Variants in ACTR2 observed in about 807,000 individuals in gnomAD.
The protein encoded by ACTR2 is actin-related protein 2.
A neutral mutation model predicts 50.2 loss-of-function variants in ACTR2; 5 were observed. The ratio of observed to expected loss-of-function variants is 0.10; its 90% CI spans 0.05 to 0.21. The LOEUF is 0.21. Ranked by LOEUF, ACTR2 falls within the 10% of genes least tolerant of loss-of-function variation. ACTR2 has a pLI of 1.00. For synonymous variants in ACTR2, 140 were observed against 162.9 expected (o/e 0.86, Z 1.07); for missense variants, 180 against 480.6 (o/e 0.37, Z 5.85).
intron 1 of ACTR2, among the ~76,000 whole-genome samples, chr2:65,232,504 A>G (rs992676107): frequency 1.3e-5 from 2 of 152,228 alleles, no homozygotes; most frequent in Admixed American, 6.5e-5. Flanking sequence ...ATGCTTTGGT[A>G]TAAGTAGAAT....
At chr2:65,230,602 G>C (rs1368633048) in intron 1 of ACTR2, among the ~76,000 whole-genome samples, 1 of 151,382 alleles carries the variant, frequency 6.6e-6, no homozygotes, top group Non-Finnish European at 1.5e-5. Context: ...GTAGAGACTG[G>C]GTCTCCCTAT....
At chr2:65,230,713 C>T (rs1273390169) in intron 1 of ACTR2, among the ~76,000 whole-genome samples, 1 of 151,940 alleles carries the variant, frequency 6.6e-6, no homozygotes, top group African/African-American at 2.4e-5. Flanking sequence ...ACCCTGCTGT[C>T]AGAAGCTAAT....
intron 2 of ACTR2, among the ~76,000 whole-genome samples, chr2:65,241,219 A>C (rs1157365865): frequency 2.0e-5 from 3 of 152,192 alleles, no homozygotes; most frequent in Admixed American, 2.0e-4. Context: ...TGATAAGGAT[A>C]AACTGTTTAA....
intron 7 of ACTR2, 44 bp downstream of exon 7, chr2:65,261,436 C>A: frequency 6.5e-7 from 1 of 1,539,642 alleles, no homozygotes. Context: ...TCAGAAAAAT[C>A]ATAAAAATAG....
chr2:65,229,389 C>T (rs892490986), intron 1 of ACTR2, among the ~76,000 whole-genome samples: 1 of 152,156 alleles, frequency 6.6e-6, no homozygotes, highest in Non-Finnish European at 1.5e-5. Context: ...ATTTGTTACA[C>T]AATTTTACAA....
chr2:65,232,275 G>A (rs779211410), intron 1 of ACTR2, among the ~76,000 whole-genome samples: 15 of 152,164 alleles, frequency 9.9e-5, no homozygotes, highest in Non-Finnish European at 1.8e-4. Context: ...ACAAAATGAA[G>A]GTTTCTCCAG....
intron 1 of ACTR2, among the ~76,000 whole-genome samples, chr2:65,232,752 C>A (rs946853083): frequency 1.3e-5 from 2 of 152,068 alleles, no homozygotes; most frequent in African/African-American, 2.4e-5. Context: ...CATATTCTTA[C>A]CATTTGATGA....
chr2:65,266,452 G>A (rs1343087773), intron 8 of ACTR2, among the ~76,000 whole-genome samples: 1 of 152,120 alleles, frequency 6.6e-6, no homozygotes, highest in Admixed American at 6.5e-5. Context: ...AGCAAGGGAG[G>A]GGGGCAGGTG....
chr2:65,235,038 T>C (rs1273378858), intron 1 of ACTR2, among the ~76,000 whole-genome samples: 2 of 152,164 alleles, frequency 1.3e-5, no homozygotes, highest in Non-Finnish European at 2.9e-5. Flanking sequence ...ACAGATGTTA[T>C]ACAGAAATGT....
chr2:65,234,284 T>C (rs190441770), intron 1 of ACTR2, among the ~76,000 whole-genome samples: 104 of 152,354 alleles, frequency 6.8e-4, no homozygotes, highest in South Asian at 2.7e-3. Context: ...GTGCAATTTT[T>C]GCTATCTTGA....
At chr2:65,244,282 T>C (rs1671894118) in intron 2 of ACTR2, among the ~76,000 whole-genome samples, 1 of 152,164 alleles carries the variant, frequency 6.6e-6, no homozygotes, top group Admixed American at 6.5e-5. Context: ...TTATATTATC[T>C]AATTATCTAA....
chr2:65,261,922 T>C (rs562886037), intron 7 of ACTR2, among the ~76,000 whole-genome samples: 1 of 152,358 alleles, frequency 6.6e-6, no homozygotes, highest in South Asian at 2.1e-4. Flanking sequence ...TTTTTGATAA[T>C]AGCCATTCCA....
chr2:65,243,810 G>A (rs1358519387), intron 2 of ACTR2, among the ~76,000 whole-genome samples: 1 of 152,128 alleles, frequency 6.6e-6, no homozygotes, highest in African/African-American at 2.4e-5. Context: ...CTTTGAAACA[G>A]CATCTCAGTT....
intron 7 of ACTR2, among the ~76,000 whole-genome samples, chr2:65,262,394 ATTTTT>A (rs959959939): frequency 8.0e-5 from 11 of 137,540 alleles, no homozygotes; most frequent in African/African-American, 3.0e-4. Flanking sequence ...CATGCCCAGA[ATTTTT>A]TTTTTTTTTT....
chr2:65,257,316 A>G (rs988698148), intron 6 of ACTR2, among the ~76,000 whole-genome samples: 1 of 152,134 alleles, frequency 6.6e-6, no homozygotes, highest in Non-Finnish European at 1.5e-5. Context: ...TCCATGGTGT[A>G]TATGTGCCAC....
At chr2:65,266,484 G>T (rs1323044383) in intron 8 of ACTR2, among the ~76,000 whole-genome samples, 2 of 152,160 alleles carry the variant, frequency 1.3e-5, no homozygotes, top group East Asian at 3.9e-4. Context: ...CAGAAGGGTA[G>T]CAGGAGGGCA....
intron 2 of ACTR2, among the ~76,000 whole-genome samples, chr2:65,240,583 A>G (rs1671821927): frequency 6.6e-6 from 1 of 152,214 alleles, no homozygotes; most frequent in African/African-American, 2.4e-5. Flanking sequence ...GAAAGACTAC[A>G]TGAAAAGACG....
At chr2:65,238,900 A>G (rs1219868385) in intron 1 of ACTR2, among the ~76,000 whole-genome samples, 1 of 150,772 alleles carries the variant, frequency 6.6e-6, no homozygotes, top group Non-Finnish European at 1.5e-5. Flanking sequence ...CCTGGGAGGC[A>G]GAGGTTGCAG....
In ACTR2 at chr2:65,261,276, G is replaced by C. The variant is rs760831946; in HGVS notation, c.765G>C (p.Gly255=). The C allele has an allele frequency of 1.2e-5, 19 of 1,613,986 alleles. No individual in the cohort carries two copies. Among genetic ancestry groups the C allele is most frequent in the Non-Finnish European group, 1.6e-5 (19 of 1,179,986 alleles). ...TLPDGRIIKV[G]GERFEAPEAL... The stretch of plus-strand genomic sequence containing the variant: ...CAGATGGACGTATCATCAAAGTTGG[G>C]GGAGAGAGATTTGAAGCACCAGAAG... The change falls in exon 7 of 9, where the codon GGG becomes GGC. Residue 255 remains glycine, a synonymous_variant. Coordinates refer to ENST00000260641, the MANE Select transcript of ACTR2 (RefSeq NM_005722.4).
Sources: gnomAD v4.1 joint callset for allele counts (sites outside exome capture counted in the v4.1 genomes callset) on GRCh38, gnomAD v4.1.1 for gene constraint, MANE v1.5 for transcripts, NCBI Gene and HGNC (gene_info 2026-07-23, HGNC 2026-07-21) for gene names.